MACROD1: variants seen among roughly 807,000 people sequenced by gnomAD.
MACROD1 encodes the protein ADP-ribose glycohydrolase MACROD1.
A neutral mutation model predicts 41.4 loss-of-function variants in MACROD1; 31 were observed. The observed-to-expected ratio is 0.75, with a 90% CI of 0.56 to 1.01. The LOEUF (loss-of-function observed/expected upper bound fraction) is 1.01, where lower values mean the gene tolerates loss of function less well. Ranked by LOEUF, MACROD1 falls within the 50% of genes least tolerant of loss-of-function variation. The pLI is 0.00. For missense variants in MACROD1, 473 were observed against 460.0 expected (o/e 1.03, Z -0.26); for synonymous variants, 252 against 203.4 (o/e 1.24, Z -2.03).
rs1424481886 is a variant in MACROD1, at chr11:64,025,342, TC to T, written c.518-10062del. Among the ~76,000 whole-genome samples the T allele has an allele frequency of 2.0e-5, 3 of 152,062 alleles. No individual in the cohort carries two copies. In the South Asian group the frequency reaches 6.2e-4, roughly 32 times the overall value. On this transcript the variant is annotated intron_variant, in intron 3 of 10. Transcript: ENST00000255681. ...TCTGAACAGCCAGGCCAGCCTGGGC[TC>T]CCCCTGACTCCCAGATCCCCATCCC... is the stretch of plus-strand genomic sequence containing the variant.
chr11:63,999,266 G>T (rs1942773301), intron 8 of MACROD1, 65 bp downstream of exon 8: 2 of 1,519,160 alleles, frequency 1.3e-6, no homozygotes, highest in South Asian at 1.2e-5. Flanking sequence ...CTCCCTGGGC[G>T]ATGATGGGGG....
At chr11:64,071,226 A>G (rs1944102454) in intron 3 of MACROD1, among the ~76,000 whole-genome samples, 1 of 151,500 alleles carries the variant, frequency 6.6e-6, no homozygotes, top group Non-Finnish European at 1.5e-5. Context: ...CCTCCCTAAG[A>G]CCCTGTCAGG....
Position 64,064,020 on chromosome 11 carries a change from G to A in MACROD1, c.518-48739C>T, listed in dbSNP as rs1227983638. Among the ~76,000 whole-genome samples, 1 of 152,130 alleles carries A rather than the reference G, an allele frequency of 6.6e-6. No homozygotes were observed. ...TGTCAGGCAGCCGCAGGGAGAGAGC[G>A]CATCTTCACTGGATCTTTGTAGGTT... On this transcript the variant is annotated intron_variant, in intron 3 of 10. Coordinates refer to ENST00000255681, the MANE Select transcript of MACROD1 (RefSeq NM_014067.4). This position sits in a 1 kb window ranked among gnomAD's most constrained non-coding sequence, Gnocchi z 4.5.
At chr11:64,039,011 C>T (rs1943434761) in intron 3 of MACROD1, among the ~76,000 whole-genome samples, 1 of 152,170 alleles carries the variant, frequency 6.6e-6, no homozygotes, top group South Asian at 2.1e-4. Context: ...GTCTACACCC[C>T]TCGTTCACTG....
At chr11:64,140,350 A>G (rs934968846) in intron 3 of MACROD1, among the ~76,000 whole-genome samples, 1 of 152,204 alleles carries the variant, frequency 6.6e-6, no homozygotes, top group African/African-American at 2.4e-5. Context: ...CTGTGCCCTC[A>G]TGGTCAGGAA....
At chr11:64,000,414 CG>C in intron 4 of MACROD1, 71 bp from the exon 5 acceptor site, 3 of 1,031,376 alleles carry the variant, frequency 2.9e-6, no homozygotes, top group Non-Finnish European at 4.0e-6. Context: ...CCCTCAGTCC[CG>C]AGAAGCCCCT....
At chr11:64,089,942 G>A (rs1944460397) in intron 3 of MACROD1, among the ~76,000 whole-genome samples, 2 of 152,156 alleles carry the variant, frequency 1.3e-5, no homozygotes, top group South Asian at 2.1e-4. Flanking sequence ...TGCCCCCCAC[G>A]CCCTGTAAAG....
chr11:64,116,117 A>ACC, intron 3 of MACROD1: 1 of 1,249,912 alleles, frequency 8.0e-7, no homozygotes, highest in Non-Finnish European at 1.1e-6. Flanking sequence ...GACTTCGGTC[A>ACC]CCCCTTGGTA....
chr11:64,115,704 C>T (rs975337934), intron 3 of MACROD1, among the ~76,000 whole-genome samples: 2 of 152,216 alleles, frequency 1.3e-5, no homozygotes, highest in African/African-American at 2.4e-5. Context: ...CAGCAACAAG[C>T]TTTCCTTTCG....
rs1217212719 is a variant in MACROD1 at position 64,090,235 on chromosome 11, C to A, written c.517+61004G>T. ...ACAGGGTGTGGGAAAGGCCAACGGG[C>A]GTGTGGGTCTCCAGCCTTTGCTCAT... On this transcript the variant is annotated intron_variant, in intron 3 of 10. Coordinates refer to ENST00000255681, the MANE Select transcript of MACROD1 (RefSeq NM_014067.4). This position sits in a 1 kb window ranked among gnomAD's most constrained non-coding sequence, Gnocchi z 4.7. Among the ~76,000 whole-genome samples the A allele has an allele frequency of 2.0e-5, 3 of 152,138 alleles. No homozygotes were observed. The highest frequency in any genetic ancestry group is 4.4e-5 in the Non-Finnish European group (3 of 68,012).
Position 64,096,063 on chromosome 11 carries a change from C to T in MACROD1, c.517+55176G>A, listed in dbSNP as rs565044336. ...TCAAACTGCCACTTGAGAGCTCCAG[C>T]GTGGGGACAGCGTGGGGCCCACTTC... On this transcript the variant is annotated intron_variant, in intron 3 of 10. Transcript: ENST00000255681. The surrounding 1 kb of genome is among the most constrained non-coding windows in gnomAD (Gnocchi z 4.6). Among the ~76,000 whole-genome samples the T allele has an allele frequency of 7.9e-5, 12 of 152,314 alleles. No individual in the cohort carries two copies. In the East Asian group the frequency reaches 2.1e-3, roughly 27 times the overall value.
intron 4 of MACROD1, chr11:64,001,378 C>G (rs942453417): frequency 2.9e-6 from 2 of 700,680 alleles, no homozygotes; most frequent in African/African-American, 3.5e-5. Context: ...ATCGCCCACG[C>G]CAGGAGCTCC....
At chr11:64,041,019 G>A (rs1943474071) in intron 3 of MACROD1, among the ~76,000 whole-genome samples, 1 of 151,900 alleles carries the variant, frequency 6.6e-6, no homozygotes, top group Non-Finnish European at 1.5e-5. Flanking sequence ...GCTGGTTGGG[G>A]ATGGCTTATA....
chr11:64,060,988 C>G (rs1040338743), intron 3 of MACROD1, among the ~76,000 whole-genome samples: 2 of 152,058 alleles, frequency 1.3e-5, no homozygotes, highest in South Asian at 2.1e-4. Flanking sequence ...CCGGGCGGGC[C>G]GGCGTCGACC....
rs1942753435 is a variant in MACROD1 at position 63,998,596 on chromosome 11, G to T, written c.*122C>A. On this transcript the variant is annotated 3_prime_UTR_variant, in exon 11 of 11. Transcript: ENST00000255681. ...TCTTTATTAGGCTCCTCGGGGGCGGGGCGCGGAGGGAAAGAAGGGGTGGCC... is the reference window on the plus strand; with the variant it reads ...TCTTTATTAGGCTCCTCGGGGGCGGTGCGCGGAGGGAAAGAAGGGGTGGCC... 4.5e-5 allele frequency: 58 copies of T among 1,275,250 alleles called. No individual in the cohort carries two copies. The highest frequency in any genetic ancestry group is 5.4e-5 in the Non-Finnish European group (55 of 1,010,476). The allele number at this position is 1,275,250 out of a possible 1,614,324, so 79.0% of individuals were successfully genotyped here. A position where few individuals can be genotyped will look rare whatever the true frequency, so the allele number is the denominator to read the frequency against.
At chr11:64,087,505 A>G (rs1183605310) in intron 3 of MACROD1, among the ~76,000 whole-genome samples, 1 of 152,122 alleles carries the variant, frequency 6.6e-6, no homozygotes, top group Non-Finnish European at 1.5e-5. Flanking sequence ...CACAGTTGCC[A>G]CCCCTTGCTG....
At chr11:64,156,472 T>G (rs781758613) in intron 1 of MACROD1, among the ~76,000 whole-genome samples, 1 of 152,188 alleles carries the variant, frequency 6.6e-6, no homozygotes, top group South Asian at 2.1e-4. Context: ...CTTGCTGAAG[T>G]GTCTCTGGCT....
intron 3 of MACROD1, among the ~76,000 whole-genome samples, chr11:64,125,277 C>T (rs1945161041): frequency 6.6e-6 from 1 of 152,182 alleles, no homozygotes; most frequent in African/African-American, 2.4e-5. Context: ...CTCCCCACAC[C>T]TGAAAGCCCA....
At chr11:64,068,827 G>C (rs541931418) in intron 3 of MACROD1, among the ~76,000 whole-genome samples, 2 of 152,230 alleles carry the variant, frequency 1.3e-5, no homozygotes, top group Non-Finnish European at 2.9e-5. Flanking sequence ...CTGTGTCACT[G>C]AGCAGCCCTC....
Sources: allele counts gnomAD v4.1 joint callset (sites outside exome capture counted in the v4.1 genomes callset), GRCh38; gene constraint gnomAD v4.1.1; non-coding constraint Gnocchi (gnomAD v3.1); transcripts MANE v1.5; gene names NCBI Gene and HGNC (gene_info 2026-07-23, HGNC 2026-07-21).